NUDCD1: variants seen among roughly 807,000 people sequenced by gnomAD.
The protein encoded by NUDCD1 is nudC domain-containing protein 1.
Under a neutral mutation model 67.8 loss-of-function variants are expected in NUDCD1, and 60 were observed. The ratio of observed to expected loss-of-function variants is 0.88; its 90% confidence interval spans 0.72 to 1.10. The LOEUF is 1.10. NUDCD1 is among the 50% of genes least tolerant of loss of function. The pLI, the probability that NUDCD1 is intolerant of heterozygous loss-of-function variation, is 0.00. For missense variants in NUDCD1, 643 were observed against 695.0 expected, an observed-to-expected ratio of 0.93 and a Z score of 0.84; for synonymous variants, 244 against 230.8, an observed-to-expected ratio of 1.06 and a Z score of -0.52.
chr8:109,317,997 GAAGTAT>G (rs1481511120), intron 2 of NUDCD1, among the ~76,000 whole-genome samples: 3 of 152,212 alleles, frequency 2.0e-5, no homozygotes, highest in Admixed American at 1.3e-4. Context: ...CTTATATGTA[GAAGTAT>G]AAGTACTTGA....
At chr8:109,328,718 A>T (rs1815737368) in intron 1 of NUDCD1, among the ~76,000 whole-genome samples, 1 of 152,240 alleles carries the variant, frequency 6.6e-6, no homozygotes. Context: ...CTAACAAATC[A>T]TAAAAGCAAG....
chr8:109,310,172 G>A (rs374002481), intron 2 of NUDCD1, among the ~76,000 whole-genome samples: 12 of 152,114 alleles, frequency 7.9e-5, no homozygotes, highest in African/African-American at 2.9e-4. Context: ...GCAAGACTAA[G>A]TTAAAAGAAC....
intron 1 of NUDCD1, 102 bp from the exon 2 acceptor site, chr8:109,322,565 A>G: frequency 5.2e-6 from 4 of 775,492 alleles, no homozygotes; most frequent in Non-Finnish European, 8.4e-6. Context: ...ACAGAATGCC[A>G]ATCACAAAGG....
At chr8:109,294,072 T>C (rs1814777159) in intron 3 of NUDCD1, among the ~76,000 whole-genome samples, 1 of 133,238 alleles carries the variant, frequency 7.5e-6, no homozygotes, top group Admixed American at 8.2e-5. Flanking sequence ...TCTTATCAAA[T>C]TCTTTCTTAT....
chr8:109,331,440 C>A (rs922307135), intron 1 of NUDCD1, among the ~76,000 whole-genome samples: 1 of 149,392 alleles, frequency 6.7e-6, no homozygotes, highest in Non-Finnish European at 1.5e-5. Context: ...CGCCTGAACC[C>A]GGAAGGCAGA....
Position 109,241,380 on chromosome 8 carries a change from T to A in NUDCD1, c.*1629A>T, listed in dbSNP as rs1025702266. On this transcript the variant is annotated 3_prime_UTR_variant, in exon 10 of 10. Transcript: ENST00000239690. ...TTTTAGAGAAAATTTAGATCTACTT[T>A]CCCATCATAAAGATTTTTAATAATT... The A allele has an allele frequency of 1.3e-5, 2 of 152,174 alleles. No individual in the cohort carries two copies. The highest frequency in any genetic ancestry group is 2.9e-5 in the Non-Finnish European group (2 of 68,020). 9.4% of individuals were successfully genotyped at this position (152,174 alleles called of 1,614,324 possible).
chr8:109,329,555 A>T (rs1037280114), intron 1 of NUDCD1, among the ~76,000 whole-genome samples: 1 of 152,210 alleles, frequency 6.6e-6, no homozygotes, highest in Admixed American at 6.5e-5. Flanking sequence ...GACTGAGGCT[A>T]TAACTTTAAA....
intron 8 of NUDCD1, among the ~76,000 whole-genome samples, chr8:109,255,032 T>C (rs1005711934): frequency 7.2e-5 from 11 of 152,270 alleles, no homozygotes; most frequent in African/African-American, 2.4e-4. Context: ...AACTCAAACT[T>C]GGTAAGTTCA....
chr8:109,314,525 T>C (rs573850769), intron 2 of NUDCD1, among the ~76,000 whole-genome samples: 45 of 152,172 alleles, frequency 3.0e-4, no homozygotes, highest in Non-Finnish European at 5.0e-4. Flanking sequence ...ACTCCAAAAG[T>C]TGGTTTTCTT....
intron 2 of NUDCD1, among the ~76,000 whole-genome samples, chr8:109,307,490 C>T (rs1172986781): frequency 1.3e-5 from 2 of 152,174 alleles, no homozygotes; most frequent in African/African-American, 4.8e-5. Flanking sequence ...AAAAGGAGCT[C>T]TACATCTTGA....
Position 109,245,314 on chromosome 8 carries a change from C to CTT in NUDCD1, c.1459+6_1459+7dup. On this transcript the variant is annotated splice_region_variant and intron_variant, in intron 9 of 9. Coordinates refer to ENST00000239690, the MANE Select transcript of NUDCD1 (RefSeq NM_032869.4). ...TTCATGGAAAATGTCAAAGAGTTTG[C>CTT]TTTATACCTAAAGCATTGAAAGTTG... is the stretch of plus-strand genomic sequence containing the variant. The CTT allele has an allele frequency of 6.2e-7, 1 of 1,607,088 alleles. No homozygotes were observed. Among genetic ancestry groups the CTT allele is most frequent in the African/African-American group, 1.3e-5 (1 of 74,742 alleles).
At chr8:109,329,692 G>A in intron 1 of NUDCD1, 1 of 917,864 alleles carries the variant, frequency 1.1e-6, no homozygotes, top group Non-Finnish European at 1.7e-6. Context: ...GATTTCACGG[G>A]TGTATACATA....
chr8:109,328,633 C>A (rs943072648), intron 1 of NUDCD1, among the ~76,000 whole-genome samples: 3 of 152,182 alleles, frequency 2.0e-5, no homozygotes, highest in African/African-American at 7.2e-5. Flanking sequence ...TTGTGGGATA[C>A]TGGGTAGTGT....
chr8:109,242,070 T>G lies in NUDCD1; in HGVS notation c.*939A>C. 1 of 398,130 alleles carries G rather than the reference T, an allele frequency of 2.5e-6. No individual in the cohort carries two copies. The highest frequency in any genetic ancestry group is 4.4e-6 in the Non-Finnish European group (1 of 225,740). The allele number at this position is 398,130 out of a possible 1,614,324, so 24.7% of individuals were successfully genotyped here. ...AAGGATAAATTATAATTTGTCCTTG[T>G]GTGGTAAGATTGTTCCATCAATGGC... On this transcript the variant is annotated 3_prime_UTR_variant, in exon 10 of 10. Transcript: ENST00000239690.
chr8:109,262,920 T>C (rs1208749644), intron 8 of NUDCD1, among the ~76,000 whole-genome samples: 1 of 151,706 alleles, frequency 6.6e-6, no homozygotes, highest in Non-Finnish European at 1.5e-5. Context: ...CTGGGTCTAA[T>C]GGCGGGCACC....
chr8:109,333,148 T>C (rs1472228845), intron 1 of NUDCD1, among the ~76,000 whole-genome samples: 1 of 152,234 alleles, frequency 6.6e-6, no homozygotes, highest in African/African-American at 2.4e-5. Context: ...CTTTAATGTC[T>C]GTTATTATAA....
chr8:109,280,805 A>AAATTCAACTAGAAAAATAC (rs1281792994), intron 6 of NUDCD1, among the ~76,000 whole-genome samples, 163 bp downstream of exon 6: 2 of 152,220 alleles, frequency 1.3e-5, no homozygotes, highest in East Asian at 3.8e-4. Context: ...AACTAGAAAT[A>AAATTCAACTAGAAAAATAC]TGCTCTTTGA....
In NUDCD1 at chr8:109,308,518, C is replaced by T. The variant is rs1301733896; in HGVS notation, c.274-11949G>A. Among the ~76,000 whole-genome samples the T allele has an allele frequency of 2.0e-5, 3 of 151,764 alleles. No individual in the cohort carries two copies. In the South Asian group the frequency reaches 6.2e-4, roughly 32 times the overall value. On this transcript the variant is annotated intron_variant, in intron 2 of 9. Coordinates refer to ENST00000239690, the MANE Select transcript of NUDCD1 (RefSeq NM_032869.4). ...TGAAATTGAAACAAACAAAAAAATA[C>T]AAAAGATAAAGGAAACAAAAAGTTG...
intron 2 of NUDCD1, among the ~76,000 whole-genome samples, chr8:109,319,849 T>A (rs1439600930): frequency 2.0e-5 from 3 of 152,156 alleles, no homozygotes; most frequent in African/African-American, 7.2e-5. Context: ...TCCCTAAGCA[T>A]CGGCCAGCTT....
Sources: allele counts gnomAD v4.1 joint callset (sites outside exome capture counted in the v4.1 genomes callset), GRCh38; gene constraint gnomAD v4.1.1; transcripts MANE v1.5; gene names NCBI Gene and HGNC (gene_info 2026-07-23, HGNC 2026-07-21).